The following MGAT4C variants were observed in gnomAD, a reference collection of about 807,000 sequenced individuals.
MGAT4C encodes the protein MGAT4 family member C, also known as alpha-1,3-mannosyl-glycoprotein 4-beta-N-acetylglucosaminyltransferase C.
MGAT4C carries 19 observed loss-of-function variants against 40.1 expected under a neutral mutation model. The ratio of observed to expected loss-of-function variants is 0.47; its 90% CI spans 0.33 to 0.70. The LOEUF (loss-of-function observed/expected upper bound fraction) is 0.70, where lower values mean the gene tolerates loss of function less well. MGAT4C is among the 30% of genes least tolerant of loss of function. The probability of loss-of-function intolerance (pLI) is 0.02; values close to 1 mark genes in which losing one functional copy is unlikely to be tolerated. For synonymous variants in MGAT4C, 181 were observed against 187.1 expected, an observed-to-expected ratio of 0.97 and a Z score of 0.27; for missense variants, 491 against 563.2, an observed-to-expected ratio of 0.87 and a Z score of 1.30.
chr12:86,767,818 C>T (rs538146363), intron 1 of MGAT4C, among the ~76,000 whole-genome samples: 2 of 150,032 alleles, frequency 1.3e-5, no homozygotes, highest in South Asian at 2.1e-4. Flanking sequence ...ATTCAACAAC[C>T]CTTCATGCTA....
intron 3 of MGAT4C, among the ~76,000 whole-genome samples, chr12:86,376,484 G>A (rs1279196099): frequency 6.6e-6 from 1 of 152,030 alleles, no homozygotes; most frequent in Non-Finnish European, 1.5e-5. Flanking sequence ...AGACATTTCT[G>A]TACATTGCTA....
chr12:86,195,463 TGATTA>T, intron 1 of MGAT4C, among the ~76,000 whole-genome samples: 1 of 152,264 alleles, frequency 6.6e-6, no homozygotes, highest in South Asian at 2.1e-4. Flanking sequence ...AACTCTTTCT[TGATTA>T]AAGTCTTTGG....
At chr12:86,249,874 A>T (rs1048710119) in intron 1 of MGAT4C, among the ~76,000 whole-genome samples, 1 of 152,188 alleles carries the variant, frequency 6.6e-6, no homozygotes, top group African/African-American at 2.4e-5. Flanking sequence ...ATTTTTACAC[A>T]TAGAATAAAT....
At chr12:86,036,197 C>A (rs1166606709) in intron 2 of MGAT4C, among the ~76,000 whole-genome samples, 1 of 149,678 alleles carries the variant, frequency 6.7e-6, no homozygotes, top group Non-Finnish European at 1.5e-5. Flanking sequence ...ATTGATTCTT[C>A]CTCTCCAGCC....
chr12:86,158,064 C>A (rs1382551573), intron 1 of MGAT4C, among the ~76,000 whole-genome samples: 4 of 151,766 alleles, frequency 2.6e-5, no homozygotes, highest in Non-Finnish European at 5.9e-5. Flanking sequence ...AATATAATAC[C>A]AATTATATTG....
chr12:86,313,197 T>G (rs1954122030), intron 4 of MGAT4C, among the ~76,000 whole-genome samples: 1 of 152,160 alleles, frequency 6.6e-6, no homozygotes, highest in African/African-American at 2.4e-5. Flanking sequence ...CACAATAAAA[T>G]TAAATTCCAA....
intron 1 of MGAT4C, among the ~76,000 whole-genome samples, chr12:86,168,723 C>T (rs893528509): frequency 6.6e-6 from 1 of 151,996 alleles, no homozygotes; most frequent in East Asian, 1.9e-4. Flanking sequence ...ATGTGTTTTC[C>T]ACTGTTCCTG....
At chr12:85,987,048 G>A (rs970755335) in intron 3 of MGAT4C, among the ~76,000 whole-genome samples, 62 of 150,170 alleles carry the variant, frequency 4.1e-4, no homozygotes, top group African/African-American at 1.4e-3. Flanking sequence ...AACAAGGGAT[G>A]AGTGTTGGAA....
chr12:86,059,332 G>T (rs1371497300), intron 1 of MGAT4C, among the ~76,000 whole-genome samples: 1 of 152,122 alleles, frequency 6.6e-6, no homozygotes, highest in Non-Finnish European at 1.5e-5. Flanking sequence ...ATGAGCCACC[G>T]CACCCAGCCT....
At chr12:86,128,690 C>T (rs1269568512) in intron 1 of MGAT4C, among the ~76,000 whole-genome samples, 4 of 151,982 alleles carry the variant, frequency 2.6e-5, no homozygotes, top group Non-Finnish European at 5.9e-5. Context: ...TACAGAAGAC[C>T]AAAATAACAC....
intron 2 of MGAT4C, among the ~76,000 whole-genome samples, chr12:86,617,058 A>T (rs1962474861): frequency 6.6e-6 from 1 of 152,206 alleles, no homozygotes; most frequent in Admixed American, 6.5e-5. Flanking sequence ...AATGGACTGT[A>T]TTTTAAAAAT....
chr12:86,835,111 GAC>G (rs781335665), intron 1 of MGAT4C, among the ~76,000 whole-genome samples: 10 of 148,396 alleles, frequency 6.7e-5, no homozygotes, highest in Non-Finnish European at 1.2e-4. Context: ...AGTAAAGACA[GAC>G]ATGTGTTATG....
chr12:86,220,024 A>G (rs1950821964), intron 1 of MGAT4C, among the ~76,000 whole-genome samples: 1 of 152,152 alleles, frequency 6.6e-6, no homozygotes, highest in African/African-American at 2.4e-5. Context: ...CACCAGAGAA[A>G]GACTGCCCTA....
At chr12:86,352,313 G>C (rs1391394747) in intron 3 of MGAT4C, among the ~76,000 whole-genome samples, 1 of 151,838 alleles carries the variant, frequency 6.6e-6, no homozygotes, top group African/African-American at 2.4e-5. Context: ...ATAAAACTTT[G>C]ACATCCTTGA....
intron 2 of MGAT4C, among the ~76,000 whole-genome samples, chr12:86,514,507 T>C (rs1346657472): frequency 6.6e-6 from 1 of 152,202 alleles, no homozygotes; most frequent in East Asian, 1.9e-4. Context: ...TTTCAGTTTT[T>C]AGAGGCCCCC....
intron 1 of MGAT4C, among the ~76,000 whole-genome samples, chr12:86,754,923 C>T (rs1015146938): frequency 6.6e-6 from 1 of 151,956 alleles, no homozygotes; most frequent in Admixed American, 6.6e-5. Flanking sequence ...TTCAATCAGA[C>T]TTTAGTTTTT....
chr12:85,983,707 T>C, intron 3 of MGAT4C, 37 bp from the exon 4 acceptor site: 7 of 1,457,702 alleles, frequency 4.8e-6, no homozygotes, highest in Non-Finnish European at 6.5e-6. Context: ...AATATATAAA[T>C]AATAGATGGT....
chr12:86,075,751 C>T (rs1255621790), intron 1 of MGAT4C, among the ~76,000 whole-genome samples: 2 of 152,216 alleles, frequency 1.3e-5, no homozygotes, highest in African/African-American at 4.8e-5. Flanking sequence ...CTTGGGGCTT[C>T]CATCCTCTGA....
chr12:86,573,492 GTTTGA>G (rs1205838729), intron 2 of MGAT4C, among the ~76,000 whole-genome samples: 1 of 151,902 alleles, frequency 6.6e-6, no homozygotes, highest in Non-Finnish European at 1.5e-5. Flanking sequence ...CATGCTTACT[GTTTGA>G]TTTTAGTTAG....
Sources: allele counts gnomAD v4.1 joint callset (sites outside exome capture counted in the v4.1 genomes callset), GRCh38; gene constraint gnomAD v4.1.1; transcripts MANE v1.5; gene names NCBI Gene and HGNC (gene_info 2026-07-23, HGNC 2026-07-21).